The following GEN1 variants were observed in gnomAD, a reference collection of about 807,000 sequenced individuals.
The protein encoded by GEN1 is flap endonuclease GEN homolog 1.
In GEN1, 64 loss-of-function variants were observed where a neutral mutation model predicts 67.6. The observed-to-expected ratio is 0.95, with a 90% CI of 0.77 to 1.17. The LOEUF is 1.17. Ranked by LOEUF, GEN1 falls within the 50% of genes most tolerant of loss-of-function variation. The pLI, the probability that GEN1 is intolerant of heterozygous loss-of-function variation, is 0.00. For missense variants in GEN1, 1,058 were observed against 1,048.3 expected (o/e 1.01, Z -0.13); for synonymous variants, 371 against 359.4 (o/e 1.03, Z -0.37).
intron 2 of GEN1, among the ~76,000 whole-genome samples, 155 bp from the exon 3 acceptor site, chr2:17,761,241 A>T (rs1442371911): frequency 6.6e-6 from 1 of 152,140 alleles, no homozygotes; most frequent in African/African-American, 2.4e-5. Flanking sequence ...GAAAAAGAAA[A>T]TTCAGTGGTT....
In GEN1 at chr2:17,783,281, ACTC is replaced by A. The variant is rs1469499956; in HGVS notation, c.*1345_*1347del. 2 of 151,914 alleles carry A rather than the reference ACTC, an allele frequency of 1.3e-5. No homozygotes were observed. The highest frequency in any genetic ancestry group is 1.5e-5 in the Non-Finnish European group (1 of 68,064). 9.4% of individuals were successfully genotyped at this position (151,914 alleles called of 1,614,324 possible). ...CCCTTGTTGGTCAGGCTAGTCATGA[ACTC>A]CTGGCCTCAAGCGATCCACCCATCT... On this transcript the variant is annotated 3_prime_UTR_variant, in exon 14 of 14. Coordinates refer to ENST00000381254, the MANE Select transcript of GEN1 (RefSeq NM_001130009.3).
chr2:17,770,548 C>A (rs940791414), intron 6 of GEN1, among the ~76,000 whole-genome samples: 10 of 152,114 alleles, frequency 6.6e-5, no homozygotes, highest in Non-Finnish European at 1.5e-4. Flanking sequence ...CCTAACCATA[C>A]CCTTTGTGGC....
At chr2:17,767,048 G>A (rs1671967189) in intron 5 of GEN1, among the ~76,000 whole-genome samples, 1 of 151,946 alleles carries the variant, frequency 6.6e-6, no homozygotes, top group African/African-American at 2.4e-5. Flanking sequence ...TCTTTTTTCT[G>A]TTTTTTAGTT....
In GEN1 at chr2:17,785,560, TAA is replaced by T. The variant is rs1172243090; in HGVS notation, c.*3622_*3623del. The T allele has an allele frequency of 1.4e-5, 2 of 146,904 alleles. No homozygotes were observed. Among genetic ancestry groups the T allele is most frequent in the Non-Finnish European group, 3.0e-5 (2 of 67,122 alleles). 9.1% of individuals were successfully genotyped at this position (146,904 alleles called of 1,614,324 possible). A position where few individuals can be genotyped will look rare whatever the true frequency, so the allele number is the denominator to read the frequency against. ...GCTTTGGGCTTTGTGTAATCAATCT[TAA>T]GTCCTTGGCGGTTTTTCTTTTAGAT... On this transcript the variant is annotated 3_prime_UTR_variant, in exon 14 of 14. Coordinates refer to ENST00000381254, the MANE Select transcript of GEN1 (RefSeq NM_001130009.3).
At chr2:17,754,499 C>T (rs752338612) in intron 1 of GEN1, 154 bp downstream of exon 1, 1 of 152,158 alleles carries the variant, frequency 6.6e-6, no homozygotes, top group Admixed American at 6.5e-5. Context: ...CGAACCGAGC[C>T]GCCAGGCCGC....
intron 11 of GEN1, among the ~76,000 whole-genome samples, chr2:17,777,388 T>G (rs968217501): frequency 6.6e-6 from 1 of 152,164 alleles, no homozygotes; most frequent in African/African-American, 2.4e-5. Flanking sequence ...GAGTACCTGC[T>G]AGAAATATAA....
chr2:17,767,492 T>C (rs1416372232), intron 5 of GEN1, among the ~76,000 whole-genome samples: 1 of 152,192 alleles, frequency 6.6e-6, no homozygotes, highest in Non-Finnish European at 1.5e-5. Flanking sequence ...AAGCCTAATT[T>C]GTAATTTATA....
Position 17,784,755 on chromosome 2 carries a change from G to A in GEN1, c.*2816G>A, listed in dbSNP as rs577729674. 480 of 152,314 alleles carry A rather than the reference G, an allele frequency of 3.2e-3. 4 individuals carry two copies. Among genetic ancestry groups the A allele is most frequent in the African/African-American group, 0.011 (455 of 41,570 alleles). 9.4% of individuals were successfully genotyped at this position (152,314 alleles called of 1,614,324 possible). ...TCTGCTTATTCTGATTTGTTCAGTC[G>A]TGGCTGTGATAGTTCAGGACCATCT... On this transcript the variant is annotated 3_prime_UTR_variant, in exon 14 of 14. Transcript: ENST00000381254.
chr2:17,776,155 C>CTACATGATTACATAG (rs1294171014), intron 11 of GEN1, among the ~76,000 whole-genome samples: 1 of 148,312 alleles, frequency 6.7e-6, no homozygotes, highest in Non-Finnish European at 1.5e-5. Context: ...TAATCTGTAT[C>CTACATGATTACATAG]TAATCATGAG....
In GEN1 at chr2:17,764,939, G is replaced by C. The variant is rs749685885; in HGVS notation, c.391G>C (p.Ala131Pro). The change falls in exon 4 of 14, where the codon GCT (alanine) becomes CCT (proline). Residue 131 changes from alanine (A) to proline (P), a missense_variant. Ala to Pro is a conservative substitution (Grantham distance 27). Transcript: ENST00000381254. ...ATGCTTAGGAATCCCCTGGGTTCAG[G>C]CTGCTGGGGAAGCTGAAGCCATGTG... ...LECLGIPWVQAAGEAEAMCAY... is the reference protein window; with the variant it reads ...LECLGIPWVQPAGEAEAMCAY... 1.9e-6 allele frequency: 3 copies of C among 1,614,102 alleles called. No homozygotes were observed. The highest frequency in any genetic ancestry group is 1.7e-6 in the Non-Finnish European group (2 of 1,179,982).
At chr2:17,778,190 A>G (rs1558408590) in intron 12 of GEN1, 127 bp downstream of exon 12, 1 of 352,014 alleles carries the variant, frequency 2.8e-6, no homozygotes, top group Non-Finnish European at 5.1e-6. Context: ...ATATATATAC[A>G]CACACACATA....
chr2:17,761,570 A>G lies in GEN1; in HGVS notation c.336A>G (p.Ser112=), dbSNP rs1671678919. 6.2e-7 allele frequency: 1 copy of G among 1,601,686 alleles called. No homozygotes were observed. The highest frequency in any genetic ancestry group is 8.5e-7 in the Non-Finnish European group (1 of 1,175,972). The stretch of plus-strand genomic sequence containing the variant: ...AAACAGGGAGATCACATTTTAAATC[A>G]GTCTTAAGAGAGGTGAGCATTCAGA... ...SQKTGRSHFK[S]VLRECLHMLE... The change falls in exon 3 of 14, where the codon TCA becomes TCG. Residue 112 remains serine, a synonymous_variant. Coordinates refer to ENST00000381254, the MANE Select transcript of GEN1 (RefSeq NM_001130009.3).
At chr2:17,758,016 GT>G (rs1295955801) in intron 1 of GEN1, among the ~76,000 whole-genome samples, 1 of 152,066 alleles carries the variant, frequency 6.6e-6, no homozygotes, top group East Asian at 1.9e-4. Context: ...AGTTGGGTCA[GT>G]TTTTTTATTA....
chr2:17,765,171 T>G, intron 4 of GEN1, 98 bp downstream of exon 4: 3 of 1,116,270 alleles, frequency 2.7e-6, no homozygotes, highest in Non-Finnish European at 3.9e-6. Flanking sequence ...CTTACTGTAA[T>G]GCCTTGCACG....
rs1558398708 is a variant in GEN1, at chr2:17,764,930, TG to T, written c.385del (p.Val129PhefsTer44). ...LHMLECLGIPWVQAAGEAEAM... is the reference protein window; with the variant it reads ...LHMLECLGIPXVQAAGEAEAM... ...TATGCTCGAATGCTTAGGAATCCCCTGGGTTCAGGCTGCTGGGGAAGCTGAA... is the reference window on the plus strand; with the variant it reads ...TATGCTCGAATGCTTAGGAATCCCCTGGTTCAGGCTGCTGGGGAAGCTGAA... On this transcript the variant is annotated frameshift_variant, in exon 4 of 14. Coordinates refer to ENST00000381254, the MANE Select transcript of GEN1 (RefSeq NM_001130009.3). LOFTEE classifies it high-confidence loss of function. 5.0e-6 allele frequency: 8 copies of T among 1,614,110 alleles called. No individual in the cohort carries two copies. The highest frequency in any genetic ancestry group is 6.8e-6 in the Non-Finnish European group (8 of 1,179,978).
intron 10 of GEN1, among the ~76,000 whole-genome samples, 190 bp downstream of exon 10, chr2:17,773,489 T>C (rs1672288048): frequency 6.6e-6 from 1 of 152,110 alleles, no homozygotes; most frequent in Non-Finnish European, 1.5e-5. Context: ...AGACAAAGTA[T>C]AGTTATGCTG....
Position 17,781,358 on chromosome 2 carries a change from A to G in GEN1, c.2146A>G (p.Thr716Ala). The change falls in exon 14 of 14, where the codon ACA (threonine) becomes GCA (alanine). Residue 716 changes from threonine (T) to alanine (A), a missense_variant. Physicochemically the swap from Thr to Ala is moderately conservative, Grantham distance 58 (BLOSUM62 0). Transcript: ENST00000381254. ...SCIANSGSDC[T>A]SHLSKDLPGI... ...TATTGCTAACAGTGGTTCTGATTGT[A>G]CATCACATCTTTCAAAGGATCTTCC... 1.2e-6 allele frequency: 2 copies of G among 1,613,934 alleles called. No homozygotes were observed. The highest frequency in any genetic ancestry group is 1.3e-5 in the African/African-American group (1 of 75,064).
At chr2:17,756,669 G>A (rs1461461293) in intron 1 of GEN1, among the ~76,000 whole-genome samples, 2 of 152,170 alleles carry the variant, frequency 1.3e-5, no homozygotes, top group Admixed American at 6.5e-5. Flanking sequence ...CAGGTGATCC[G>A]CCTGCCTCGA....
At chr2:17,775,381 C>G (rs1210641132) in intron 11 of GEN1, among the ~76,000 whole-genome samples, 1 of 152,046 alleles carries the variant, frequency 6.6e-6, no homozygotes, top group Non-Finnish European at 1.5e-5. Context: ...ATAAAAAATG[C>G]TTAAGAGTAG....
Sources: allele counts gnomAD v4.1 joint callset (sites outside exome capture counted in the v4.1 genomes callset), GRCh38; gene constraint gnomAD v4.1.1; transcripts MANE v1.5; gene names NCBI Gene and HGNC (gene_info 2026-07-23, HGNC 2026-07-21).